The following DHCR7 variants were observed in gnomAD, a reference collection of about 807,000 sequenced individuals.
DHCR7 encodes the protein 7-dehydrocholesterol reductase.
A neutral mutation model predicts 43.3 loss-of-function variants in DHCR7; 40 were observed. That is an observed-to-expected ratio of 0.92 (90% CI 0.72 to 1.20). DHCR7 has a LOEUF of 1.20. Ranked by LOEUF, DHCR7 falls within the 50% of genes most tolerant of loss-of-function variation. The pLI is 0.00. For missense variants in DHCR7, 608 were observed against 644.6 expected (o/e 0.94, Z 0.62); for synonymous variants, 298 against 271.4 (o/e 1.10, Z -0.96).
intron 2 of DHCR7, among the ~76,000 whole-genome samples, chr11:71,445,277 C>T (rs1488958932): frequency 1.3e-5 from 2 of 152,262 alleles, no homozygotes; most frequent in Admixed American, 6.5e-5. Context: ...ACACCACTCT[C>T]CCCTATTCTC....
At chr11:71,444,643 T>A (rs1225530817) in intron 3 of DHCR7, among the ~76,000 whole-genome samples, 1 of 152,186 alleles carries the variant, frequency 6.6e-6, no homozygotes, top group Non-Finnish European at 1.5e-5. Flanking sequence ...TCTTTTTTTC[T>A]AAGTTGTTGA....
chr11:71,438,134 T>C (rs568092286), intron 7 of DHCR7, among the ~76,000 whole-genome samples, 191 bp from the exon 8 acceptor site: 4 of 152,216 alleles, frequency 2.6e-5, no homozygotes, highest in African/African-American at 9.6e-5. Flanking sequence ...GGCTAAGGGC[T>C]TCCTTGTCCT....
At chr11:71,431,499 G>A (rs999057216), downstream of DHCR7, among the ~76,000 whole-genome samples, 1 of 152,146 alleles carries the variant, frequency 6.6e-6, no homozygotes, top group Non-Finnish European at 1.5e-5. Context: ...CTCCCTGCAG[G>A]CAACGTGGTG....
intron 5 of DHCR7, 132 bp downstream of exon 5, chr11:71,442,131 G>A: frequency 1.3e-6 from 1 of 745,066 alleles, no homozygotes; most frequent in Non-Finnish European, 2.3e-6. Context: ...GCCTGGTGCT[G>A]TGAAAAATCC....
intron 6 of DHCR7, among the ~76,000 whole-genome samples, chr11:71,440,805 TG>T (rs1380228024): frequency 6.6e-6 from 1 of 151,868 alleles, no homozygotes. Context: ...GCCATGGGAA[TG>T]GGTACAAGCC....
In DHCR7 at chr11:71,444,595, A is replaced by G. The variant is rs2851693; in HGVS notation, c.98+260T>C. The stretch of plus-strand genomic sequence containing the variant: ...AGCTGTGACAATAGGTCATACCCCC[A>G]GATGGTGGGAAGGCCCCAGCTGCCC... On this transcript the variant is annotated intron_variant, in intron 3 of 8. Coordinates refer to ENST00000355527, the MANE Select transcript of DHCR7 (RefSeq NM_001360.3). Among the ~76,000 whole-genome samples the G allele has an allele frequency of 0.9, 136,453 of 152,262 alleles. 61,559 individuals are homozygous for G. Among genetic ancestry groups the G allele is most frequent in the Non-Finnish European group, 0.96 (65,023 of 68,034 alleles).
At chr11:71,432,514 T>C (rs1591105546), downstream of DHCR7, among the ~76,000 whole-genome samples, 1 of 152,244 alleles carries the variant, frequency 6.6e-6, no homozygotes, top group African/African-American at 2.4e-5. Context: ...ATCAAGCTAA[T>C]TAACATATCC....
At position 71,435,831 on chromosome 11, in the gene DHCR7, G is replaced by A. The variant is rs1949273832; in HGVS notation, c.972C>T (p.Tyr324=). 1 of 1,602,914 alleles carries A rather than the reference G, an allele frequency of 6.2e-7. No individual in the cohort carries two copies. Among genetic ancestry groups the A allele is most frequent in the South Asian group, 1.1e-5 (1 of 90,818 alleles). Residue 324 remains tyrosine, a synonymous_variant, in exon 9 of 9, where the codon TAC becomes TAT. Transcript: ENST00000355527. ...LPYLYTLQGL[Y]LVYHPVQLST... is the part of the protein sequence containing the mutation. ...ACAGCTGCACGGGGTGGTACACCAAGTACAGACCCTGGGGGGCGAGGGGGA... is the reference window on the plus strand; with the variant it reads ...ACAGCTGCACGGGGTGGTACACCAAATACAGACCCTGGGGGGCGAGGGGGA...
At chr11:71,432,478 A>G (rs997205957), downstream of DHCR7, among the ~76,000 whole-genome samples, 7 of 152,250 alleles carry the variant, frequency 4.6e-5, no homozygotes, top group Non-Finnish European at 1.0e-4. Context: ...ATGTTTTGAT[A>G]CATGTGTAAA....
chr11:71,438,554 C>A (rs978382354), intron 7 of DHCR7, among the ~76,000 whole-genome samples: 2 of 152,102 alleles, frequency 1.3e-5, no homozygotes, highest in Non-Finnish European at 2.9e-5. Flanking sequence ...GTTCCTGGAG[C>A]ATGCACTCTT....
chr11:71,442,177 G>T, intron 5 of DHCR7, 86 bp downstream of exon 5: 1 of 1,034,988 alleles, frequency 9.7e-7, no homozygotes. Flanking sequence ...ACAAGTCTTA[G>T]GGACAAAGCA....
rs766817989 is a variant in DHCR7, at chr11:71,444,932, G to T, written c.21C>A (p.Pro7=). 3.1e-6 allele frequency: 5 copies of T among 1,614,132 alleles called. No homozygotes were observed. The South Asian group carries it at 5.5e-5, about 18-fold the overall frequency. The change falls in exon 3 of 9, where the codon CCC becomes CCA. Residue 7 remains proline, a synonymous_variant. Coordinates refer to ENST00000355527, the MANE Select transcript of DHCR7 (RefSeq NM_001360.3). MAAKSQ[P]NIPKAKSLDG... ...CTAGACTCTTGGCTTTGGGAATGTT[G>T]GGTTGCGATTTTGCAGCCATTGGGC... is the stretch of plus-strand genomic sequence containing the variant.
In DHCR7 at chr11:71,448,383, G is replaced by A. The variant is rs4944946; in HGVS notation, c.-225C>T. On this transcript the variant is annotated 5_prime_UTR_variant, in exon 1 of 9. Coordinates refer to ENST00000355527, the MANE Select transcript of DHCR7 (RefSeq NM_001360.3). Reference sequence around the variant, plus strand: ...CCGCCTACCCTCTAGCCAGGGGTCGGAGTCACCCGCAGGGCAGGGGCGCCC... The same window carrying A: ...CCGCCTACCCTCTAGCCAGGGGTCGAAGTCACCCGCAGGGCAGGGGCGCCC... 0.53 allele frequency: 81,531 copies of A among 152,406 alleles called. 25,723 individuals are homozygous for A. Among genetic ancestry groups the A allele is most frequent in the Non-Finnish European group, 0.74 (50,666 of 68,068 alleles). 9.4% of individuals were successfully genotyped at this position (152,406 alleles called of 1,614,324 possible). A position where few individuals can be genotyped will look rare whatever the true frequency, so the allele number is the denominator to read the frequency against.
In DHCR7 at chr11:71,439,093, A is replaced by C. The variant is rs1340221735; in HGVS notation, c.627-10T>G. ...ATTGCCTGTGAATTTGCTTAAAAAT[A>C]TAAATAAAAGATACATTTAGTGGAT... is the stretch of plus-strand genomic sequence containing the variant. On this transcript the variant is annotated splice_polypyrimidine_tract_variant and intron_variant, in intron 6 of 8. Coordinates refer to ENST00000355527, the MANE Select transcript of DHCR7 (RefSeq NM_001360.3). 1 of 1,611,878 alleles carries C rather than the reference A, an allele frequency of 6.2e-7. No individual in the cohort carries two copies. Among genetic ancestry groups the C allele is most frequent in the Admixed American group, 1.7e-5 (1 of 60,000 alleles).
intron 4 of DHCR7, among the ~76,000 whole-genome samples, chr11:71,443,315 T>C (rs77872619): frequency 0.049 from 7,390 of 152,228 alleles, 606 homozygotes; most frequent in African/African-American, 0.17. Flanking sequence ...GCCCAGAAGC[T>C]TGGACCCTGG....
intron 4 of DHCR7, among the ~76,000 whole-genome samples, chr11:71,442,948 G>A (rs1040766430): frequency 3.3e-5 from 5 of 152,148 alleles, no homozygotes; most frequent in Admixed American, 6.5e-5. Flanking sequence ...TCCAATCTCC[G>A]GTCACTCTGA....
chr11:71,441,375 C>T lies in DHCR7; in HGVS notation c.478G>A (p.Ala160Thr), dbSNP rs1364850343. The stretch of plus-strand genomic sequence containing the variant: ...AACCAGGACAGGAGATGAGCGTTTG[C>T]AAACCAGAGCAGGTGCGTGAGGAGC... ...AWLLTHLLWF[A>T]NAHLLSWFSP... The change falls in exon 6 of 9, where the codon GCA (alanine) becomes ACA (threonine). Residue 160 changes from alanine (A) to threonine (T), a missense_variant. Transcript: ENST00000355527. 23 of 1,614,230 alleles carry T rather than the reference C, an allele frequency of 1.4e-5. No individual in the cohort carries two copies. Among genetic ancestry groups the T allele is most frequent in the Non-Finnish European group, 1.9e-5 (23 of 1,180,036 alleles).
At chr11:71,446,449 A>G (rs1380516950) in intron 2 of DHCR7, among the ~76,000 whole-genome samples, 1 of 152,196 alleles carries the variant, frequency 6.6e-6, no homozygotes, top group Admixed American at 6.5e-5. Context: ...CACAGAAGGG[A>G]ATTTGCAAAG....
downstream of DHCR7, among the ~76,000 whole-genome samples, chr11:71,430,239 G>C (rs1463617457): frequency 1.3e-5 from 2 of 152,194 alleles, no homozygotes; most frequent in Non-Finnish European, 2.9e-5. Flanking sequence ...GATAATGCAG[G>C]GTTTTTCTTG....
Sources: allele counts gnomAD v4.1 joint callset (sites outside exome capture counted in the v4.1 genomes callset), GRCh38; gene constraint gnomAD v4.1.1; transcripts MANE v1.5; gene names NCBI Gene and HGNC (gene_info 2026-07-23, HGNC 2026-07-21).